MYO15A: variants seen among roughly 807,000 people sequenced by gnomAD.
The protein encoded by MYO15A is myosin XVA.
MYO15A carries 308 observed loss-of-function variants against 394.6 expected under a neutral mutation model. That is an observed-to-expected ratio of 0.78 (90% CI 0.71 to 0.86). The LOEUF (loss-of-function observed/expected upper bound fraction) is 0.86. Ranked by LOEUF, MYO15A falls within the 40% of genes least tolerant of loss-of-function variation. MYO15A has a pLI of 0.00. For synonymous variants in MYO15A, 1,957 were observed against 2,003.8 expected (o/e 0.98, Z 0.62); for missense variants, 4,606 against 4,799.1 (o/e 0.96, Z 1.19).
rs1432089985 is a variant in MYO15A at position 18,151,752 on chromosome 17, G to A, written c.7788-94G>A. ...TGGATTCTCATTTATAATGATAGGG[G>A]GTGGTGGAGGAGGAGGAAGTTTCCT... On this transcript the variant is annotated intron_variant, in intron 40 of 65. Coordinates refer to ENST00000647165, the MANE Select transcript of MYO15A (RefSeq NM_016239.4). 14 of 1,250,836 alleles carry A rather than the reference G, an allele frequency of 1.1e-5. No individual in the cohort carries two copies. The South Asian group carries it at 1.5e-4, about 14-fold the overall frequency. 77.5% of individuals were successfully genotyped at this position (1,250,836 alleles called of 1,614,324 possible).
In MYO15A at chr17:18,172,162, C is replaced by G. The variant is rs1281100057; in HGVS notation, c.10222C>G (p.Leu3408Val). The part of the protein sequence containing the change: ...HQARAQFLGL[L>V]SALPMFGSSF... The stretch of plus-strand genomic sequence containing the variant: ...CACCCCCTCTCCCTGCCCAGGCCTC[C>G]TCAGCGCCTTACCTATGTTCGGCTC... The change falls in exon 64 of 66, where the codon CTC becomes GTC. Residue 3408 changes from leucine to valine, a missense_variant. By Grantham distance (32) the Leu-to-Val change is conservative. This residue lies in a region of MYO15A where 2,776 missense variants were observed against 3,109.3 expected (regional missense o/e 0.89). Transcript: ENST00000647165. The G allele has an allele frequency of 6.2e-7, 1 of 1,614,236 alleles. No individual in the cohort carries two copies. Among genetic ancestry groups the G allele is most frequent in the South Asian group, 1.1e-5 (1 of 91,084 alleles).
In MYO15A at chr17:18,140,586, G is replaced by A. The variant is rs746033874; in HGVS notation, c.5281G>A (p.Val1761Ile). ...APQRLGKSSS[V>I]TRLYKAHTVA... ...TCAGCGCCTGGGCAAGAGCAGCTCC[G>A]TCACTCGGCTCTACAAGGCGCACAC... is the stretch of plus-strand genomic sequence containing the variant. Residue 1761 changes from valine (V) to isoleucine (I), a missense_variant, in exon 20 of 66, where the codon GTC (valine) becomes ATC (isoleucine). By Grantham distance (29) the Val-to-Ile change is conservative. This residue lies in a region of MYO15A where 2,776 missense variants were observed against 3,109.3 expected (regional missense o/e 0.89). Transcript: ENST00000647165. 2.3e-5 allele frequency: 37 copies of A among 1,613,734 alleles called. No individual in the cohort carries two copies. Among genetic ancestry groups the A allele is most frequent in the Middle Eastern group, 1.6e-4 (1 of 6,062 alleles).
At chr17:18,168,498 A>G (rs536550478) in intron 62 of MYO15A, among the ~76,000 whole-genome samples, 2 of 151,706 alleles carry the variant, frequency 1.3e-5, no homozygotes, top group South Asian at 4.2e-4. Flanking sequence ...CGGGAGGCGG[A>G]GCTTGCAGTC....
chr17:18,146,117 A>G lies in MYO15A; in HGVS notation c.6509+10A>G. 6.2e-7 allele frequency: 1 copy of G among 1,613,216 alleles called. No homozygotes were observed. Among genetic ancestry groups the G allele is most frequent in the Non-Finnish European group, 8.5e-7 (1 of 1,179,618 alleles). On this transcript the variant is annotated intron_variant, in intron 30 of 65. Transcript: ENST00000647165. ...ACAAGTACCTTCTCAAGTGAGTGGG[A>G]CTGGATAGGGGCTGGGACACGAGGG... is the stretch of plus-strand genomic sequence containing the variant.
In MYO15A at chr17:18,148,307, G is replaced by C. The variant is rs1049899824; in HGVS notation, c.6691+97G>C. Reference sequence around the variant, plus strand: ...GAAGCCACTGGATGTTCTGGAGCTGGGGAGGGGCCTTCTCAGATGTGGCTC... The same window carrying C: ...GAAGCCACTGGATGTTCTGGAGCTGCGGAGGGGCCTTCTCAGATGTGGCTC... On this transcript the variant is annotated intron_variant, in intron 31 of 65. Transcript: ENST00000647165. The surrounding 1 kb of genome is among the most constrained non-coding windows in gnomAD (Gnocchi z 4.8). 2 of 1,541,584 alleles carry C rather than the reference G, an allele frequency of 1.3e-6. No homozygotes were observed. Among genetic ancestry groups the C allele is most frequent in the Non-Finnish European group, 8.8e-7 (1 of 1,135,654 alleles).
At chr17:18,137,732 T>A (rs1489957699) in intron 16 of MYO15A, 53 bp downstream of exon 16, 3 of 1,565,756 alleles carry the variant, frequency 1.9e-6, no homozygotes, top group Non-Finnish European at 1.8e-6. Flanking sequence ...CCAGTGGACC[T>A]CCTTGGAGAC....
rs779601705 is a variant in MYO15A at position 18,133,261 on chromosome 17, G to A, written c.4357G>A (p.Asp1453Asn). Residue 1453 changes from aspartate to asparagine, a missense_variant, in exon 12 of 66, where the codon GAT (aspartate) becomes AAT (asparagine). Transcript: ENST00000647165. Reference sequence around the variant, plus strand: ...TGAGATAGCAGGAAAGAGCGATGCAGATGACTTTCGCCGGCTCCTGGCTGC... The same window carrying A: ...TGAGATAGCAGGAAAGAGCGATGCAAATGACTTTCGCCGGCTCCTGGCTGC... ...NCEIAGKSDA[D>N]DFRRLLAAME... The A allele has an allele frequency of 1.2e-6, 2 of 1,614,196 alleles. No individual in the cohort carries two copies. The highest frequency in any genetic ancestry group is 2.2e-5 in the East Asian group (1 of 44,878).
Position 18,121,088 on chromosome 17 carries a change from G to C in MYO15A, c.2288G>C (p.Arg763Pro), listed in dbSNP as rs1325037238. 1.3e-6 allele frequency: 2 copies of C among 1,503,492 alleles called. No homozygotes were observed. The highest frequency in any genetic ancestry group is 1.8e-6 in the Non-Finnish European group (2 of 1,130,640). The allele number at this position is 1,503,492 out of a possible 1,614,324, so 93.1% of individuals were successfully genotyped here. ...AAFGFPGASP[R>P]ASRRRAWSPL... ...TTCGGCTTCCCCGGGGCCTCTCCACGGGCGTCGCGGAGGCGAGCTTGGTCA... is the reference window on the plus strand; with the variant it reads ...TTCGGCTTCCCCGGGGCCTCTCCACCGGCGTCGCGGAGGCGAGCTTGGTCA... Residue 763 changes from arginine (R) to proline (P), a missense_variant, in exon 2 of 66, where the codon CGG (arginine) becomes CCG (proline). This residue lies in a region of MYO15A where 1,830 missense variants were observed against 1,689.7 expected (regional missense o/e 1.08). Coordinates refer to ENST00000647165, the MANE Select transcript of MYO15A (RefSeq NM_016239.4). The surrounding 1 kb of genome is among the most constrained non-coding windows in gnomAD (Gnocchi z 5.3).
intron 19 of MYO15A, among the ~76,000 whole-genome samples, chr17:18,140,172 C>T (rs949711306): frequency 2.6e-5 from 4 of 152,326 alleles, no homozygotes; most frequent in East Asian, 1.9e-4. Context: ...TCTGGCCCTC[C>T]GCTTCCTCCT....
intron 1 of MYO15A, among the ~76,000 whole-genome samples, chr17:18,113,073 T>C (rs1362317186): frequency 6.6e-6 from 1 of 152,120 alleles, no homozygotes; most frequent in Non-Finnish European, 1.5e-5. Context: ...GGTCTCGAAC[T>C]CCTGAGCTCA....
chr17:18,172,152 C>T lies in MYO15A; in HGVS notation c.10217-5C>T. The T allele has an allele frequency of 6.2e-7, 1 of 1,614,160 alleles. No individual in the cohort carries two copies. The highest frequency in any genetic ancestry group is 8.5e-7 in the Non-Finnish European group (1 of 1,180,036). On this transcript the variant is annotated splice_region_variant and splice_polypyrimidine_tract_variant and intron_variant, in intron 63 of 65. Transcript: ENST00000647165. The stretch of plus-strand genomic sequence containing the variant: ...ACGTAACTGCCACCCCCTCTCCCTG[C>T]CCAGGCCTCCTCAGCGCCTTACCTA...
intron 64 of MYO15A, among the ~76,000 whole-genome samples, chr17:18,173,161 T>A (rs184128052): frequency 6.8e-4 from 104 of 152,260 alleles, no homozygotes; most frequent in African/African-American, 2.4e-3. Flanking sequence ...CCTTCTCTCC[T>A]GGGGGTGAGG....
In MYO15A at chr17:18,156,248, A is replaced by C. The variant is rs762771600; in HGVS notation, c.8513A>C (p.Asn2838Thr). ...CCCTCCCAGAACATGCTGGAGTTCA[A>C]CCTGGCCAGTGAGAAGGTCATCCTC... Reference protein sequence around the residue: ...TMPSQNMLEFNLASEKVILFS... With the variant: ...TMPSQNMLEFTLASEKVILFS... The change falls in exon 48 of 66, where the codon AAC becomes ACC. Residue 2838 changes from asparagine (N) to threonine (T), a missense_variant. Physicochemically the swap from Asn to Thr is moderately conservative, Grantham distance 65 (BLOSUM62 0). Transcript: ENST00000647165. 1.2e-5 allele frequency: 20 copies of C among 1,614,058 alleles called. No individual in the cohort carries two copies. In the Admixed American group the frequency reaches 3.3e-4, roughly 27 times the overall value.
intron 60 of MYO15A, chr17:18,164,211 T>C: frequency 6.2e-6 from 2 of 323,846 alleles, no homozygotes; most frequent in South Asian, 2.6e-5. Context: ...CCTTCTTTCC[T>C]GCCTTTCATG....
rs2046003116 is a variant in MYO15A, at chr17:18,124,810, A to G, written c.3692+245A>G. 20 of 590,540 alleles carry G rather than the reference A, an allele frequency of 3.4e-5. No homozygotes were observed. In the South Asian group the frequency reaches 3.6e-4, roughly 11 times the overall value. The allele number at this position is 590,540 out of a possible 1,614,324, so 36.6% of individuals were successfully genotyped here. Reference sequence around the variant, plus strand: ...AAATCGCTTTGTTTCTCTGCACCTCAGTTTCTCATCCACAAAATGGGAGTG... The same window carrying G: ...AAATCGCTTTGTTTCTCTGCACCTCGGTTTCTCATCCACAAAATGGGAGTG... On this transcript the variant is annotated intron_variant, in intron 3 of 65. Transcript: ENST00000647165.
At position 18,122,126 on chromosome 17, in the gene MYO15A, C is replaced by A; in HGVS notation, c.3326C>A (p.Ala1109Glu). ...PLPKGGERRQAAPGRFAVVMP... is the reference protein window; with the variant it reads ...PLPKGGERRQEAPGRFAVVMP... ...CCCAAGGGGGGTGAACGGCGCCAGG[C>A]AGCCCCTGGGCGTTTTGCTGTGGTC... The change falls in exon 2 of 66, where the codon GCA (alanine) becomes GAA (glutamate). Residue 1109 changes from alanine (A) to glutamate (E), a missense_variant. Ala to Glu is a moderately radical substitution (Grantham distance 107). This residue lies in a region of MYO15A where 1,830 missense variants were observed against 1,689.7 expected (regional missense o/e 1.08). Coordinates refer to ENST00000647165, the MANE Select transcript of MYO15A (RefSeq NM_016239.4). 1 of 1,612,984 alleles carries A rather than the reference C, an allele frequency of 6.2e-7. No individual in the cohort carries two copies. Among genetic ancestry groups the A allele is most frequent in the Non-Finnish European group, 8.5e-7 (1 of 1,180,010 alleles).
chr17:18,138,673 T>G, intron 17 of MYO15A, 138 bp from the exon 18 acceptor site: 1 of 1,230,894 alleles, frequency 8.1e-7, no homozygotes, highest in South Asian at 1.3e-5. Context: ...CCCAGGGAGA[T>G]GGGCAGCCAT....
In MYO15A at chr17:18,134,837, A is replaced by AC. The variant is rs577083765; in HGVS notation, c.4483-873dup. ...TTGTGCTTTGTTAATCTATTTATGT[A>AC]CTGTGTCTATGACTACACTGGTTTT... On this transcript the variant is annotated intron_variant, in intron 12 of 65. Transcript: ENST00000647165. Among the ~76,000 whole-genome samples the AC allele has an allele frequency of 3.7e-4, 57 of 152,294 alleles. 1 individual carries two copies. Among genetic ancestry groups the AC allele is most frequent in the Admixed American group, 1.2e-3 (19 of 15,292 alleles).
chr17:18,136,560 C>T lies in MYO15A; in HGVS notation c.4656-3C>T. The T allele has an allele frequency of 6.2e-7, 1 of 1,614,066 alleles. No individual in the cohort carries two copies. The highest frequency in any genetic ancestry group is 8.5e-7 in the Non-Finnish European group (1 of 1,180,050). On this transcript the variant is annotated splice_polypyrimidine_tract_variant and splice_region_variant and intron_variant, in intron 14 of 65. Coordinates refer to ENST00000647165, the MANE Select transcript of MYO15A (RefSeq NM_016239.4). Reference sequence around the variant, plus strand: ...GCTCACACCAGCACCACCTCTGCTCCAGGGACGCCATCGCCAAGGTCTTGT... The same window carrying T: ...GCTCACACCAGCACCACCTCTGCTCTAGGGACGCCATCGCCAAGGTCTTGT...
Sources: gnomAD v4.1 joint callset for allele counts (sites outside exome capture counted in the v4.1 genomes callset) on GRCh38, gnomAD v4.1.1 for gene constraint, gnomAD v4.1.1 regional missense constraint, Gnocchi (gnomAD v3.1) non-coding constraint, MANE v1.5 for transcripts, NCBI Gene and HGNC (gene_info 2026-07-23, HGNC 2026-07-21) for gene names.